TEX9: variants seen among roughly 807,000 people sequenced by gnomAD.
TEX9 encodes the protein testis expressed 9.
TEX9 carries 74 observed loss-of-function variants against 59.6 expected under a neutral mutation model. That is an observed-to-expected ratio of 1.24 (90% CI 1.03 to 1.51). The LOEUF is 1.51. TEX9 is among the 40% of genes most tolerant of loss of function. The probability of loss-of-function intolerance (pLI) is 0.00; values close to 1 mark genes in which losing one functional copy is unlikely to be tolerated. For synonymous variants in TEX9, 186 were observed against 152.2 expected (o/e 1.22, Z -1.64); for missense variants, 522 against 447.8 (o/e 1.17, Z -1.49).
chr15:56,428,342 A>AT (rs2050424639), intron 11 of TEX9, 25 bp from the exon 12 acceptor site: 3 of 1,569,812 alleles, frequency 1.9e-6, no homozygotes, highest in African/African-American at 1.3e-5. Context: ...ACTAAATCAG[A>AT]CAATATTGAT....
At chr15:56,345,857 G>A (rs1408481149) in intron 1 of TEX9, among the ~76,000 whole-genome samples, 1 of 152,202 alleles carries the variant, frequency 6.6e-6, no homozygotes, top group African/African-American at 2.4e-5. Flanking sequence ...AAGACATTCA[G>A]CTGGACAGCA....
At chr15:56,326,572 A>G (rs1159872750) in intron 1 of TEX9, among the ~76,000 whole-genome samples, 1 of 152,214 alleles carries the variant, frequency 6.6e-6, no homozygotes, top group African/African-American at 2.4e-5. Context: ...CAAGGATTTG[A>G]GTAAAAATCA....
At chr15:56,390,060 T>G (rs1227748535) in intron 6 of TEX9, among the ~76,000 whole-genome samples, 3 of 151,880 alleles carry the variant, frequency 2.0e-5, no homozygotes, top group African/African-American at 7.3e-5. Flanking sequence ...TGTTCACTTT[T>G]GTGTCTTAAT....
intron 1 of TEX9, among the ~76,000 whole-genome samples, chr15:56,322,897 T>C (rs1408090573): frequency 6.6e-6 from 1 of 151,864 alleles, no homozygotes; most frequent in African/African-American, 2.4e-5. Context: ...AAGAGTATAG[T>C]AGGAAGAATG....
chr15:56,414,542 C>G (rs2049573277), intron 10 of TEX9, among the ~76,000 whole-genome samples: 1 of 150,760 alleles, frequency 6.6e-6, no homozygotes, highest in African/African-American at 2.4e-5. Flanking sequence ...CTGCCTCTAG[C>G]TCCATCCATG....
At chr15:56,282,046 A>G (rs576405001) in intron 1 of TEX9, among the ~76,000 whole-genome samples, 2 of 152,330 alleles carry the variant, frequency 1.3e-5, no homozygotes, top group Admixed American at 1.3e-4. Context: ...AATAAAAAAA[A>G]GATTTTAGTA....
intron 1 of TEX9, among the ~76,000 whole-genome samples, chr15:56,346,389 G>A (rs1398471328): frequency 6.6e-6 from 1 of 152,106 alleles, no homozygotes; most frequent in African/African-American, 2.4e-5. Context: ...GATGGGCTGA[G>A]GCAGGATTGC....
intron 1 of TEX9, among the ~76,000 whole-genome samples, chr15:56,266,862 G>C (rs989008451): frequency 6.6e-6 from 1 of 152,188 alleles, no homozygotes; most frequent in Non-Finnish European, 1.5e-5. Context: ...GGCTGGGTCA[G>C]ATGGTATTTC....
intron 1 of TEX9, among the ~76,000 whole-genome samples, chr15:56,248,149 A>T (rs773948398): frequency 2.0e-5 from 3 of 152,196 alleles, no homozygotes; most frequent in Non-Finnish European, 4.4e-5. Context: ...TAGAGAGAAG[A>T]GGATGTGGGA....
chr15:56,348,909 G>A lies in TEX9; in HGVS notation c.-106-24532G>A, dbSNP rs1327949390. On this transcript the variant is annotated intron_variant, in intron 1 of 5. Transcript: ENST00000560827. ...CTGATATTGCCTCACAAGTCCCTGA[G>A]TTCATATTTTTACCATTTTCTCTTT... Among the ~76,000 whole-genome samples, 3 of 134,920 alleles carry A rather than the reference G, an allele frequency of 2.2e-5. No individual in the cohort carries two copies. In the Admixed American group the frequency reaches 2.4e-4, roughly 11 times the overall value. The allele number at this position is 134,920 out of a possible 152,430, so 88.5% of individuals were successfully genotyped here.
At chr15:56,282,000 A>T (rs2044831219) in intron 1 of TEX9, among the ~76,000 whole-genome samples, 1 of 152,164 alleles carries the variant, frequency 6.6e-6, no homozygotes. Context: ...CTACCCCTTA[A>T]ATGTTGATGT....
At chr15:56,271,058 GC>G (rs2044517077) in intron 1 of TEX9, among the ~76,000 whole-genome samples, 3 of 152,104 alleles carry the variant, frequency 2.0e-5, no homozygotes, top group Admixed American at 2.0e-4. Flanking sequence ...CTCTCTGGCT[GC>G]CCTTAACATT....
intron 1 of TEX9, among the ~76,000 whole-genome samples, chr15:56,269,671 G>A (rs915390329): frequency 1.8e-5 from 1 of 54,456 alleles, no homozygotes; most frequent in Non-Finnish European, 3.5e-5. Context: ...TTTTTTTTTT[G>A]AGACGGAGTC....
At chr15:56,341,275 C>T (rs543743072) in intron 1 of TEX9, among the ~76,000 whole-genome samples, 1 of 152,212 alleles carries the variant, frequency 6.6e-6, no homozygotes, top group South Asian at 2.1e-4. Flanking sequence ...CTTATAATTA[C>T]TCCTCCTCCC....
chr15:56,261,282 G>T (rs1003839135), intron 1 of TEX9, among the ~76,000 whole-genome samples: 3 of 151,702 alleles, frequency 2.0e-5, no homozygotes, highest in Admixed American at 2.0e-4. Flanking sequence ...AACTTCTTGA[G>T]ATGGTAACTT....
chr15:56,331,015 A>T (rs1163170418), intron 1 of TEX9, among the ~76,000 whole-genome samples: 1 of 152,216 alleles, frequency 6.6e-6, no homozygotes, highest in Non-Finnish European at 1.5e-5. Flanking sequence ...TGCTCTGTTT[A>T]TATCAGGCAA....
intron 1 of TEX9, among the ~76,000 whole-genome samples, chr15:56,305,232 C>T (rs1166028346): frequency 1.3e-5 from 2 of 151,802 alleles, no homozygotes; most frequent in Non-Finnish European, 2.9e-5. Context: ...CATTGCAATT[C>T]CTATGAAAAC....
intron 12 of TEX9, chr15:56,434,004 A>G: frequency 1.0e-6 from 1 of 971,528 alleles, no homozygotes; most frequent in Non-Finnish European, 1.4e-6. Context: ...ATGGTCAGAA[A>G]ATTTATATAT....
chr15:56,365,541 T>G (rs551026452), intron 1 of TEX9, 38 bp from the exon 2 acceptor site: 1 of 1,614,202 alleles, frequency 6.2e-7, no homozygotes, highest in East Asian at 2.2e-5. Flanking sequence ...CCTAACTTCC[T>G]TTAACTTCGG....
Sources: allele counts gnomAD v4.1 joint callset (sites outside exome capture counted in the v4.1 genomes callset), GRCh38; gene constraint gnomAD v4.1.1; transcripts MANE v1.5; gene names NCBI Gene and HGNC (gene_info 2026-07-23, HGNC 2026-07-21).